CTH: variants seen among roughly 807,000 people sequenced by gnomAD.
CTH encodes cystathionase (cystathionine gamma-lyase).
CTH carries 41 observed loss-of-function variants against 50.6 expected under a neutral mutation model. The observed-to-expected ratio is 0.81, with a 90% CI of 0.63 to 1.05. The LOEUF is 1.05. Ranked by LOEUF, CTH falls within the 50% of genes least tolerant of loss-of-function variation. The pLI, the probability that CTH is intolerant of heterozygous loss-of-function variation, is 0.00. For missense variants in CTH, 470 were observed against 492.6 expected (o/e 0.95, Z 0.43); for synonymous variants, 156 against 168.9 (o/e 0.92, Z 0.59).
chr1:70,435,364 T>A (rs1317883364), intron 10 of CTH, among the ~76,000 whole-genome samples, 187 bp downstream of exon 10: 1 of 152,070 alleles, frequency 6.6e-6, no homozygotes, highest in Non-Finnish European at 1.5e-5. Context: ...GGGCTTCTTG[T>A]TAGTGAGCGG....
In CTH at chr1:70,433,774, C is replaced by T. The variant is rs534288828; in HGVS notation, c.878-54C>T. On this transcript the variant is annotated intron_variant, in intron 8 of 11. Transcript: ENST00000370938. The stretch of plus-strand genomic sequence containing the variant: ...AGTGAAAAATACCACCCTCCCCCCC[C>T]AAAAATTACATGTTTAATTCTAAAA... 16 of 1,610,366 alleles carry T rather than the reference C, an allele frequency of 9.9e-6. No homozygotes were observed. The East Asian group carries it at 3.1e-4, about 32-fold the overall frequency.
At position 70,438,671 on chromosome 1, in the gene CTH, C is replaced by T. The variant is rs12124009; in HGVS notation, c.1053-17C>T. The T allele has an allele frequency of 1.9e-6, 3 of 1,613,946 alleles. No individual in the cohort carries two copies. Among genetic ancestry groups the T allele is most frequent in the Non-Finnish European group, 2.5e-6 (3 of 1,179,940 alleles). The stretch of plus-strand genomic sequence containing the variant: ...ACACAATATAGTGATCAAAAATTTG[C>T]TCATGTCTTCTTTCAGGGCAATCAT... On this transcript the variant is annotated splice_polypyrimidine_tract_variant and intron_variant, in intron 10 of 11. Coordinates refer to ENST00000370938, the MANE Select transcript of CTH (RefSeq NM_001902.6).
rs1557470223 is a variant in CTH at position 70,429,796 on chromosome 1, C to T, written c.591C>T (p.Arg197=). The T allele has an allele frequency of 6.2e-7, 1 of 1,611,638 alleles. No homozygotes were observed. The highest frequency in any genetic ancestry group is 8.5e-7 in the Non-Finnish European group (1 of 1,178,092). The change falls in exon 6 of 12, where the codon CGC becomes CGT. Residue 197 remains arginine (R), a splice_region_variant and synonymous_variant. Transcript: ENST00000370938. The stretch of plus-strand genomic sequence containing the variant: ...AAGTAAAAAACTTGTTCTTTCAGCG[C>T]CCTTTGGCTCTGGGAGCTGATATTT... ...DNTFMSPYFQ[R]PLALGADISM...
chr1:70,435,060 T>G, intron 9 of CTH, 65 bp from the exon 10 acceptor site: 4 of 1,474,668 alleles, frequency 2.7e-6, no homozygotes, highest in Non-Finnish European at 3.7e-6. Flanking sequence ...CTAAAAACAT[T>G]TATTTTTAGA....
intron 5 of CTH, among the ~76,000 whole-genome samples, chr1:70,429,537 A>C (rs1398294626): frequency 6.6e-6 from 1 of 152,206 alleles, no homozygotes; most frequent in African/African-American, 2.4e-5. Flanking sequence ...AGACCAGTTG[A>C]CCTGGGCTTA....
intron 5 of CTH, 133 bp downstream of exon 5, chr1:70,424,549 C>A: frequency 6.9e-7 from 1 of 1,455,634 alleles, no homozygotes; most frequent in East Asian, 2.4e-5. Flanking sequence ...TTTACTGGAT[C>A]GAGAATTAAA....
chr1:70,420,738 G>C (rs995137764), intron 3 of CTH, among the ~76,000 whole-genome samples: 2 of 152,068 alleles, frequency 1.3e-5, no homozygotes, highest in Non-Finnish European at 2.9e-5. Flanking sequence ...AGCTTGTTGA[G>C]TTGAAATTAT....
Position 70,429,861 on chromosome 1 carries a change from A to G in CTH, c.646+10A>G, listed in dbSNP as rs778067094. 5.1e-5 allele frequency: 82 copies of G among 1,596,960 alleles called. No individual in the cohort carries two copies. The highest frequency in any genetic ancestry group is 7.0e-5 in the Non-Finnish European group (81 of 1,164,664). On this transcript the variant is annotated intron_variant, in intron 6 of 11. Transcript: ENST00000370938. Reference sequence around the variant, plus strand: ...ACAAAATACATGAATGGTAAGATGCATACTTTGAATGTTCTTTTTCATGGA... The same window carrying G: ...ACAAAATACATGAATGGTAAGATGCGTACTTTGAATGTTCTTTTTCATGGA...
At chr1:70,416,842 G>A (rs957172036) in intron 2 of CTH, among the ~76,000 whole-genome samples, 1 of 151,994 alleles carries the variant, frequency 6.6e-6, no homozygotes. Context: ...GATTACAGGA[G>A]TGGGCCACCA....
chr1:70,429,948 T>C (rs1402256815), intron 6 of CTH, 97 bp downstream of exon 6: 16 of 908,644 alleles, frequency 1.8e-5, no homozygotes, highest in Non-Finnish European at 1.8e-6. Flanking sequence ...TTGTAGATTA[T>C]TTCCTGTGAC....
chr1:70,434,746 A>AT (rs35606808), intron 9 of CTH: 12,770 of 131,512 alleles, frequency 0.097, 867 homozygotes, highest in East Asian at 0.18. Flanking sequence ...AAATGCAATA[A>AT]TTTTTTTTTT....
chr1:70,429,713 A>G, intron 5 of CTH, 81 bp from the exon 6 acceptor site: 1 of 988,550 alleles, frequency 1.0e-6, no homozygotes, highest in Non-Finnish European at 1.6e-6. Context: ...ATAAGAATGG[A>G]ATTTATAATT....
At chr1:70,433,780 T>G in intron 8 of CTH, 48 bp from the exon 9 acceptor site, 3 of 1,594,984 alleles carry the variant, frequency 1.9e-6, no homozygotes, top group Non-Finnish European at 2.6e-6. Context: ...CCCCCAAAAA[T>G]TACATGTTTA....
At chr1:70,437,451 A>G (rs527575724) in intron 10 of CTH, among the ~76,000 whole-genome samples, 191 of 152,324 alleles carry the variant, frequency 1.3e-3, no homozygotes, top group African/African-American at 4.4e-3. Flanking sequence ...CTAGTAGAGT[A>G]TCTGTCTCAT....
chr1:70,418,149 G>C (rs532331374), intron 3 of CTH, 117 bp downstream of exon 3: 1 of 1,243,884 alleles, frequency 8.0e-7, no homozygotes, highest in African/African-American at 1.5e-5. Flanking sequence ...ATAGTTTACA[G>C]GTGTGACAGG....
At chr1:70,419,793 A>G (rs1054856918) in intron 3 of CTH, among the ~76,000 whole-genome samples, 3 of 152,216 alleles carry the variant, frequency 2.0e-5, no homozygotes, top group Non-Finnish European at 4.4e-5. Context: ...CTTGCCTTTA[A>G]GCCCACTGAT....
chr1:70,432,682 CTTTTTTTTTTTTT>C (rs10607278), intron 8 of CTH, among the ~76,000 whole-genome samples: 1 of 89,866 alleles, frequency 1.1e-5, no homozygotes, highest in African/African-American at 4.1e-5. Context: ...CTCTCTCTCT[CTTTTTTTTTTTTT>C]TTTTTTTTGA....
intron 5 of CTH, 127 bp downstream of exon 5, chr1:70,424,543 C>T (rs1684304347): frequency 2.7e-6 from 4 of 1,483,826 alleles, no homozygotes; most frequent in Non-Finnish European, 3.7e-6. Flanking sequence ...TAATTATTTA[C>T]TGGATCGAGA....
chr1:70,430,438 C>T, intron 7 of CTH, 44 bp downstream of exon 7: 1 of 900,850 alleles, frequency 1.1e-6, no homozygotes, highest in African/African-American at 1.6e-5. Flanking sequence ...CTCTCAGTGA[C>T]TACATTTGAT....
Sources: gnomAD v4.1 joint callset for allele counts (sites outside exome capture counted in the v4.1 genomes callset) on GRCh38, gnomAD v4.1.1 for gene constraint, MANE v1.5 for transcripts, NCBI Gene and HGNC (gene_info 2026-07-23, HGNC 2026-07-21) for gene names.